RBFOX1: variants seen among roughly 807,000 people sequenced by gnomAD.
RBFOX1 encodes the protein RNA binding fox-1 homolog 1.
RBFOX1 carries 8 observed loss-of-function variants against 57.7 expected under a neutral mutation model. That is an observed-to-expected ratio of 0.14 (90% CI 0.08 to 0.25). RBFOX1 has a LOEUF of 0.25. Among genes scored for constraint, RBFOX1 ranks in the 10% least tolerant of loss-of-function variants. The probability of loss-of-function intolerance (pLI) is 1.00; values close to 1 mark genes in which losing one functional copy is unlikely to be tolerated. For missense variants in RBFOX1, 611 were observed against 548.5 expected, an observed-to-expected ratio of 1.11 and a Z score of -1.14; for synonymous variants, 326 against 222.4, an observed-to-expected ratio of 1.47 and a Z score of -4.15.
intron 2 of RBFOX1, among the ~76,000 whole-genome samples, chr16:6,457,888 A>C (rs956699055): frequency 3.9e-5 from 6 of 152,192 alleles, no homozygotes; most frequent in Non-Finnish European, 7.3e-5. Flanking sequence ...TTCAGTTTAC[A>C]GATAGTTCTG....
At chr16:6,206,348 C>T (rs1407465052) in intron 1 of RBFOX1, among the ~76,000 whole-genome samples, 2 of 152,158 alleles carry the variant, frequency 1.3e-5, no homozygotes, top group Admixed American at 6.6e-5. Flanking sequence ...TCTGCTGAAG[C>T]ATCATGTCCT....
At chr16:7,296,657 G>A (rs1226466172) in intron 4 of RBFOX1, among the ~76,000 whole-genome samples, 2 of 152,196 alleles carry the variant, frequency 1.3e-5, no homozygotes, top group Non-Finnish European at 2.9e-5. Context: ...TGGGCATATG[G>A]CTGCTTTTGC....
chr16:5,372,746 G>A lies in RBFOX1; in HGVS notation c.220-94470G>A, dbSNP rs147156642. The stretch of plus-strand genomic sequence containing the variant: ...GTTTCCCCTGAGATTGAGATAAACT[G>A]TTATTAGTTTGATTGCAAATAAGGA... On this transcript the variant is annotated intron_variant, in intron 1 of 2. Transcript: ENST00000585867. 8.5e-5 allele frequency among the ~76,000 whole-genome samples: 13 copies of A among 152,162 alleles called. No homozygotes were observed. In the East Asian group the frequency reaches 2.5e-3, roughly 29 times the overall value.
chr16:7,498,502 T>C (rs1348660244), intron 4 of RBFOX1, among the ~76,000 whole-genome samples: 1 of 152,192 alleles, frequency 6.6e-6, no homozygotes, highest in African/African-American at 2.4e-5. Context: ...ATGCGTGATT[T>C]TAATTTCAAT....
intron 2 of RBFOX1, among the ~76,000 whole-genome samples, chr16:5,552,677 C>G (rs929502058): frequency 6.6e-6 from 1 of 152,148 alleles, no homozygotes; most frequent in African/African-American, 2.4e-5. Context: ...CATTGAGAAA[C>G]TCTATTCTGC....
intron 3 of RBFOX1, among the ~76,000 whole-genome samples, chr16:5,705,753 C>G (rs891373969): frequency 6.6e-6 from 1 of 152,186 alleles, no homozygotes; most frequent in Non-Finnish European, 1.5e-5. Flanking sequence ...TTAGGGATAA[C>G]AAGATCACTC....
intron 1 of RBFOX1, among the ~76,000 whole-genome samples, chr16:6,102,970 CT>C (rs1278474459): frequency 1.3e-5 from 2 of 152,122 alleles, no homozygotes; most frequent in African/African-American, 4.8e-5. Flanking sequence ...CATTCTAATG[CT>C]TTCCCTTGGT....
chr16:7,048,537 G>A (rs983963356), intron 3 of RBFOX1, among the ~76,000 whole-genome samples: 2 of 152,198 alleles, frequency 1.3e-5, no homozygotes, highest in African/African-American at 4.8e-5. Context: ...GGGATTACAG[G>A]CGTGAGCCAC....
chr16:6,015,826 G>A (rs999740442), upstream of RBFOX1, among the ~76,000 whole-genome samples: 7 of 152,190 alleles, frequency 4.6e-5, no homozygotes, highest in Admixed American at 4.6e-4. Context: ...TTGGCCAAAT[G>A]TTTCAAGACA....
At chr16:7,087,886 CTCTT>C (rs2060229024) in intron 4 of RBFOX1, among the ~76,000 whole-genome samples, 1 of 152,110 alleles carries the variant, frequency 6.6e-6, no homozygotes, top group African/African-American at 2.4e-5. Flanking sequence ...TCCTCTGTCT[CTCTT>C]TCTCTTTCTC....
At chr16:6,375,199 T>A (rs866855793) in intron 2 of RBFOX1, among the ~76,000 whole-genome samples, 2 of 152,140 alleles carry the variant, frequency 1.3e-5, no homozygotes, top group South Asian at 4.1e-4. Flanking sequence ...AAGAGGGTAT[T>A]TTCTGTGAAC....
intron 3 of RBFOX1, among the ~76,000 whole-genome samples, chr16:7,033,132 G>A (rs1177512279): frequency 6.6e-6 from 1 of 152,156 alleles, no homozygotes; most frequent in Admixed American, 6.5e-5. Flanking sequence ...AGGGAAGAAG[G>A]AAAGTGCAGT....
chr16:5,278,668 C>G (rs1457767486), intron 1 of RBFOX1, among the ~76,000 whole-genome samples: 3 of 152,150 alleles, frequency 2.0e-5, no homozygotes, highest in African/African-American at 7.2e-5. Flanking sequence ...GCCATGCAAT[C>G]TTTGTTCTCA....
chr16:7,240,098 C>G (rs1166850023), intron 4 of RBFOX1, among the ~76,000 whole-genome samples: 1 of 152,100 alleles, frequency 6.6e-6, no homozygotes, highest in African/African-American at 2.4e-5. Context: ...TCTTGAGTAG[C>G]TGGGATTACG....
chr16:7,397,778 T>C (rs1236392240), intron 4 of RBFOX1, among the ~76,000 whole-genome samples: 1 of 152,166 alleles, frequency 6.6e-6, no homozygotes, highest in African/African-American at 2.4e-5. Flanking sequence ...TTTACGGTGG[T>C]ATGAACACAG....
At chr16:6,845,433 G>C (rs1230524283) in intron 3 of RBFOX1, among the ~76,000 whole-genome samples, 2 of 152,116 alleles carry the variant, frequency 1.3e-5, no homozygotes, top group East Asian at 1.9e-4. Context: ...TTATTAAATA[G>C]AGAATCCTTT....
intron 2 of RBFOX1, among the ~76,000 whole-genome samples, chr16:6,642,166 G>C (rs1010021500): frequency 4.6e-4 from 70 of 152,146 alleles, no homozygotes; most frequent in African/African-American, 1.6e-3. Context: ...ACAAACCCAG[G>C]CTTCCCAGGC....
intron 2 of RBFOX1, among the ~76,000 whole-genome samples, chr16:6,400,435 T>TA (rs1419361492): frequency 1.3e-5 from 2 of 152,172 alleles, no homozygotes; most frequent in East Asian, 1.9e-4. Context: ...GGGATCCGGC[T>TA]AAAAAACAGA....
chr16:6,753,987 C>G (rs1568468107), intron 3 of RBFOX1, among the ~76,000 whole-genome samples: 1 of 152,082 alleles, frequency 6.6e-6, no homozygotes, highest in Non-Finnish European at 1.5e-5. Flanking sequence ...GACTTGGATG[C>G]TTTTTACTGG....
Sources: allele counts gnomAD v4.1 joint callset (sites outside exome capture counted in the v4.1 genomes callset), GRCh38; gene constraint gnomAD v4.1.1; transcripts MANE v1.5; gene names NCBI Gene and HGNC (gene_info 2026-07-23, HGNC 2026-07-21).